The following RBM25 variants were observed in gnomAD, a reference collection of about 807,000 sequenced individuals.
The protein encoded by RBM25 is RNA binding motif protein 25, also known as RNA-binding protein 25.
In RBM25, 19 loss-of-function variants were observed where a neutral mutation model predicts 120.7. The observed-to-expected ratio is 0.16, with a 90% CI of 0.11 to 0.23. The LOEUF (loss-of-function observed/expected upper bound fraction) is 0.23, where lower values mean the gene tolerates loss of function less well. Among genes scored for constraint, RBM25 ranks in the 10% least tolerant of loss-of-function variants. RBM25 has a pLI of 1.00. For missense variants in RBM25, 605 were observed against 1,041.5 expected (o/e 0.58, Z 5.77); for synonymous variants, 390 against 326.7 (o/e 1.19, Z -2.09).
chr14:73,110,718 C>A, intron 14 of RBM25, 113 bp from the exon 15 acceptor site: 1 of 1,314,714 alleles, frequency 7.6e-7, no homozygotes, highest in South Asian at 1.6e-5. Context: ...CATGAGCCAC[C>A]ATACCTGGCC....
chr14:73,066,193 T>A (rs1244407574), intron 1 of RBM25, among the ~76,000 whole-genome samples: 1 of 152,206 alleles, frequency 6.6e-6, no homozygotes, highest in Non-Finnish European at 1.5e-5. Context: ...CCCCAGTTTT[T>A]GGTTTTGGTC....
chr14:73,119,648 A>G (rs1896505881), intron 18 of RBM25, 65 bp from the exon 19 acceptor site: 2 of 1,594,816 alleles, frequency 1.3e-6, no homozygotes, highest in Non-Finnish European at 1.7e-6. Context: ...TATACTGGCC[A>G]CTGTTTTTGG....
intron 6 of RBM25, among the ~76,000 whole-genome samples, chr14:73,094,470 C>G (rs150767879): frequency 1.6e-3 from 241 of 151,852 alleles, no homozygotes; most frequent in African/African-American, 4.4e-3. Context: ...TCTTTTGAGA[C>G]GGAGTCTTGC....
chr14:73,095,133 G>C (rs774195233), intron 6 of RBM25, among the ~76,000 whole-genome samples: 1 of 152,048 alleles, frequency 6.6e-6, no homozygotes, highest in Non-Finnish European at 1.5e-5. Context: ...GGTTGCAGGC[G>C]TGAGCCACCG....
intron 9 of RBM25, 127 bp downstream of exon 9, chr14:73,099,877 T>C (rs939380689): frequency 7.6e-6 from 10 of 1,310,538 alleles, no homozygotes; most frequent in Non-Finnish European, 9.8e-6. Context: ...TTAATTGATA[T>C]TTAGATAGAA....
intron 3 of RBM25, among the ~76,000 whole-genome samples, chr14:73,077,111 C>T (rs1259135480): frequency 5.9e-5 from 9 of 152,118 alleles, no homozygotes; most frequent in Admixed American, 1.3e-4. Flanking sequence ...ATGTCTTAAA[C>T]ATAACAAAGT....
chr14:73,077,613 T>A (rs1204780115), intron 4 of RBM25, 77 bp downstream of exon 4: 2 of 1,301,052 alleles, frequency 1.5e-6, no homozygotes, highest in East Asian at 5.1e-5. Context: ...AAGAAGACTT[T>A]CAGTGATTGC....
rs1896448964 is a variant in RBM25 at position 73,117,205 on chromosome 14, C to CTTTTATTTTTTTTTT, written c.2440-2504_2440-2503insATTTTTTTTTTTTTT. ...ATTTCTTTCTTTTAATTTCTTTCTT[C>CTTTTATTTTTTTTTT]TTTTCTTTTTTTTTTTTTTTTTTTT... On this transcript the variant is annotated intron_variant, in intron 18 of 18. Transcript: ENST00000261973. Among the ~76,000 whole-genome samples, 9 of 36,562 alleles carry CTTTTATTTTTTTTTT rather than the reference C, an allele frequency of 2.5e-4. 1 individual carries two copies. The highest frequency in any genetic ancestry group is 9.2e-4 in the African/African-American group (9 of 9,776). 24.0% of individuals were successfully genotyped at this position (36,562 alleles called of 152,430 possible). A position where few individuals can be genotyped will look rare whatever the true frequency, so the allele number is the denominator to read the frequency against.
chr14:73,074,086 A>G (rs1359515282), intron 2 of RBM25, among the ~76,000 whole-genome samples: 1 of 152,242 alleles, frequency 6.6e-6, no homozygotes, highest in Non-Finnish European at 1.5e-5. Flanking sequence ...TCAGCCATCA[A>G]ACAGATTAAT....
chr14:73,064,683 G>A (rs958689940), intron 1 of RBM25, among the ~76,000 whole-genome samples: 1 of 151,200 alleles, frequency 6.6e-6, no homozygotes, highest in African/African-American at 2.4e-5. Flanking sequence ...GTGAGCCACC[G>A]CGCCCAGGAG....
At chr14:73,064,065 C>G (rs1895068909) in intron 1 of RBM25, among the ~76,000 whole-genome samples, 1 of 151,312 alleles carries the variant, frequency 6.6e-6, no homozygotes, top group African/African-American at 2.4e-5. Flanking sequence ...GCCTCTGCCT[C>G]TTTTAAATCT....
At chr14:73,111,881 A>AT in intron 16 of RBM25, 79 bp downstream of exon 16, 2 of 1,443,854 alleles carry the variant, frequency 1.4e-6, no homozygotes, top group Middle Eastern at 3.7e-4. Flanking sequence ...AGAAAAAAAA[A>AT]CCTCATTTGA....
intron 17 of RBM25, 33 bp from the exon 18 acceptor site, chr14:73,114,253 A>AT: frequency 6.9e-7 from 1 of 1,443,122 alleles, no homozygotes; most frequent in Non-Finnish European, 9.3e-7. Context: ...TTTTTTATTT[A>AT]TTTTTAATGT....
chr14:73,096,921 A>C lies in RBM25; in HGVS notation c.550A>C (p.Arg184=), dbSNP rs766042570. ...ATTTGCTGTTTTGTTTAAGAATGCA[A>C]GGCCAGAAACTGTCACTAATGACGA... ...AKKKASNGNA[R]PETVTNDDEE... Residue 184 remains arginine (R), a synonymous_variant, in exon 7 of 19, where the codon AGG becomes CGG. Coordinates refer to ENST00000261973, the MANE Select transcript of RBM25 (RefSeq NM_021239.3). The C allele has an allele frequency of 8.7e-6, 14 of 1,608,994 alleles. No homozygotes were observed. Among genetic ancestry groups the C allele is most frequent in the Non-Finnish European group, 1.2e-5 (14 of 1,179,002 alleles).
At chr14:73,083,581 A>C in intron 5 of RBM25, 30 bp downstream of exon 5, 1 of 1,520,464 alleles carries the variant, frequency 6.6e-7, no homozygotes, top group Non-Finnish European at 8.9e-7. Flanking sequence ...ATTTGCTGAA[A>C]TCACTTTAAC....
intron 6 of RBM25, among the ~76,000 whole-genome samples, chr14:73,094,159 TAGCC>T (rs1895882768): frequency 1.3e-5 from 2 of 151,256 alleles, no homozygotes; most frequent in Non-Finnish European, 2.9e-5. Context: ...TTCACTGTGT[TAGCC>T]AGGATGGTCT....
intron 4 of RBM25, among the ~76,000 whole-genome samples, chr14:73,082,566 T>C (rs1041679544): frequency 2.0e-5 from 3 of 152,170 alleles, no homozygotes. Flanking sequence ...GTTGGGATTA[T>C]AGACGTGAGC....
chr14:73,072,317 C>G (rs1252732586), intron 2 of RBM25, among the ~76,000 whole-genome samples: 1 of 150,172 alleles, frequency 6.7e-6, no homozygotes, highest in Non-Finnish European at 1.5e-5. Context: ...ACACATTGTT[C>G]AAAAACAAAA....
intron 6 of RBM25, among the ~76,000 whole-genome samples, chr14:73,092,207 T>G: frequency 8.2e-6 from 1 of 121,790 alleles, no homozygotes. Context: ...TTAAGGGTGG[T>G]GGGGGGTGTA....
Sources: allele counts gnomAD v4.1 joint callset (sites outside exome capture counted in the v4.1 genomes callset), GRCh38; gene constraint gnomAD v4.1.1; transcripts MANE v1.5; gene names NCBI Gene and HGNC (gene_info 2026-07-23, HGNC 2026-07-21).